Variants in PPP2R5E observed in about 807,000 individuals in gnomAD.
The protein encoded by PPP2R5E is serine/threonine-protein phosphatase 2A 56 kDa regulatory subunit epsilon isoform.
A neutral mutation model predicts 65.3 loss-of-function variants in PPP2R5E; 4 were observed. That is an observed-to-expected ratio of 0.06 (90% CI 0.03 to 0.14). PPP2R5E has a LOEUF of 0.14. Among genes scored for constraint, PPP2R5E ranks in the 10% least tolerant of loss-of-function variants. The pLI is 1.00. For missense variants in PPP2R5E, 274 were observed against 556.1 expected, an observed-to-expected ratio of 0.49 and a Z score of 5.10; for synonymous variants, 183 against 187.4, an observed-to-expected ratio of 0.98 and a Z score of 0.19.
At chr14:63,534,980 G>A (rs745826006) in intron 2 of PPP2R5E, among the ~76,000 whole-genome samples, 10 of 152,172 alleles carry the variant, frequency 6.6e-5, no homozygotes, top group Non-Finnish European at 1.3e-4. Context: ...TGGAGAAAAT[G>A]TAAATGTCTA....
At chr14:63,446,656 C>T (rs1379010615) in intron 3 of PPP2R5E, among the ~76,000 whole-genome samples, 16 of 151,582 alleles carry the variant, frequency 1.1e-4, no homozygotes, top group Admixed American at 3.3e-4. Flanking sequence ...GGTGAAACCC[C>T]GTCTCTACTA....
chr14:63,407,120 A>C (rs1263736083), intron 5 of PPP2R5E, among the ~76,000 whole-genome samples: 7 of 152,234 alleles, frequency 4.6e-5, no homozygotes, highest in Non-Finnish European at 8.8e-5. Context: ...CAACAACCTT[A>C]CAATGTGATT....
chr14:63,390,295 G>GACACACACACACACACAC (rs59239063), intron 10 of PPP2R5E, among the ~76,000 whole-genome samples: 9 of 140,180 alleles, frequency 6.4e-5, no homozygotes, highest in African/African-American at 1.3e-4. Flanking sequence ...ACGCATTCTC[G>GACACACACACACACACAC]ACACACACAC....
intron 3 of PPP2R5E, among the ~76,000 whole-genome samples, chr14:63,432,596 T>C (rs1400575823): frequency 3.3e-5 from 5 of 152,152 alleles, no homozygotes; most frequent in Non-Finnish European, 2.9e-5. Context: ...GTCTTTTGTT[T>C]CCACTCTCCT....
At chr14:63,520,438 T>C (rs1321633679) in intron 2 of PPP2R5E, among the ~76,000 whole-genome samples, 7 of 152,226 alleles carry the variant, frequency 4.6e-5, no homozygotes, top group Non-Finnish European at 7.3e-5. Context: ...CCAAAAGCAC[T>C]TGCCATTGTT....
At chr14:63,512,716 T>TA (rs1892513332) in intron 2 of PPP2R5E, among the ~76,000 whole-genome samples, 1 of 152,138 alleles carries the variant, frequency 6.6e-6, no homozygotes, top group African/African-American at 2.4e-5. Flanking sequence ...TAATGTAATA[T>TA]AAAAAATAAA....
At chr14:63,471,847 T>C (rs1227644617) in intron 2 of PPP2R5E, among the ~76,000 whole-genome samples, 1 of 152,198 alleles carries the variant, frequency 6.6e-6, no homozygotes, top group Non-Finnish European at 1.5e-5. Flanking sequence ...GGAGGGACCA[T>C]CTGGAAGGGT....
intron 2 of PPP2R5E, among the ~76,000 whole-genome samples, chr14:63,482,414 G>C (rs1367888540): frequency 6.6e-6 from 1 of 152,138 alleles, no homozygotes; most frequent in Non-Finnish European, 1.5e-5. Context: ...AGCCAAGATC[G>C]CACCACTGCA....
Position 63,431,202 on chromosome 14 carries a change from C to T in PPP2R5E, c.355-9108G>A, listed in dbSNP as rs900019546. Among the ~76,000 whole-genome samples the T allele has an allele frequency of 1.3e-4, 20 of 150,816 alleles. 1 individual carries two copies. In the East Asian group the frequency reaches 1.8e-3, roughly 13 times the overall value. The stretch of plus-strand genomic sequence containing the variant: ...AGAATTGCTTGAACCCAGGAGGCAG[C>T]GGTTGCAGTGAGCCAAGATCACGCC... On this transcript the variant is annotated intron_variant, in intron 3 of 13. Transcript: ENST00000337537.
intron 3 of PPP2R5E, among the ~76,000 whole-genome samples, chr14:63,432,663 G>A (rs1187644587): frequency 1.3e-5 from 2 of 152,060 alleles, no homozygotes; most frequent in African/African-American, 4.8e-5. Flanking sequence ...GAAAAGAGAA[G>A]AGACTGGGGG....
intron 2 of PPP2R5E, among the ~76,000 whole-genome samples, chr14:63,514,833 A>G (rs183240712): frequency 6.6e-6 from 1 of 152,186 alleles, no homozygotes; most frequent in Non-Finnish European, 1.5e-5. Context: ...CATTTCACAT[A>G]TATCACCTCT....
intron 2 of PPP2R5E, among the ~76,000 whole-genome samples, chr14:63,456,367 TA>T (rs1889130198): frequency 6.6e-6 from 1 of 152,244 alleles, no homozygotes; most frequent in African/African-American, 2.4e-5. Flanking sequence ...CACTTAGTCC[TA>T]TTTTTTAATG....
At chr14:63,467,142 C>T (rs1889858738) in intron 2 of PPP2R5E, among the ~76,000 whole-genome samples, 1 of 150,546 alleles carries the variant, frequency 6.6e-6, no homozygotes, top group African/African-American at 2.5e-5. Context: ...AGGAGAATGG[C>T]ATGGACCTGG....
intron 2 of PPP2R5E, among the ~76,000 whole-genome samples, chr14:63,489,214 T>C (rs1291844701): frequency 3.3e-5 from 5 of 151,996 alleles, no homozygotes; most frequent in African/African-American, 4.8e-5. Flanking sequence ...TTAAAAATAG[T>C]ATAGGCTCAC....
chr14:63,490,154 T>G (rs1473974904), intron 2 of PPP2R5E, among the ~76,000 whole-genome samples: 1 of 152,008 alleles, frequency 6.6e-6, no homozygotes, highest in Non-Finnish European at 1.5e-5. Context: ...TAGCCACATA[T>G]AACTACTGAG....
intron 3 of PPP2R5E, among the ~76,000 whole-genome samples, chr14:63,445,472 C>G (rs1392875144): frequency 6.6e-6 from 1 of 152,162 alleles, no homozygotes; most frequent in African/African-American, 2.4e-5. Context: ...GAGGGTCTTG[C>G]CTTCATGTTG....
chr14:63,484,343 T>TCACACA (rs1156834992), intron 2 of PPP2R5E, among the ~76,000 whole-genome samples: 13 of 133,270 alleles, frequency 9.8e-5, no homozygotes, highest in African/African-American at 4.0e-4. Context: ...TTTCTCTCTC[T>TCACACA]CTCTCACACA....
chr14:63,379,031 CT>C (rs72440800), intron 13 of PPP2R5E, among the ~76,000 whole-genome samples: 25,026 of 142,994 alleles, frequency 0.18, 3,086 homozygotes, highest in East Asian at 0.49. Flanking sequence ...AACCCATTTT[CT>C]TTTTTTTTTT....
intron 3 of PPP2R5E, among the ~76,000 whole-genome samples, chr14:63,441,177 A>G (rs1278981305): frequency 6.6e-6 from 1 of 151,330 alleles, no homozygotes; most frequent in Non-Finnish European, 1.5e-5. Context: ...GCAGGTAACA[A>G]TAGAAGGCAT....
Sources: gnomAD v4.1 joint callset for allele counts (sites outside exome capture counted in the v4.1 genomes callset) on GRCh38, gnomAD v4.1.1 for gene constraint, MANE v1.5 for transcripts, NCBI Gene and HGNC (gene_info 2026-07-23, HGNC 2026-07-21) for gene names.